Variants in NXPH2 observed in about 807,000 individuals in gnomAD.
NXPH2 encodes neurexophilin 2, also known as neurexophilin-2.
NXPH2 carries 5 observed loss-of-function variants against 19.8 expected under a neutral mutation model. The ratio of observed to expected loss-of-function variants is 0.25; its 90% CI spans 0.13 to 0.53. NXPH2 has a LOEUF of 0.53. NXPH2 is among the 20% of genes least tolerant of loss of function. The probability of loss-of-function intolerance (pLI) is 0.96; values close to 1 mark genes in which losing one functional copy is unlikely to be tolerated. For missense variants in NXPH2, 289 were observed against 322.8 expected, an observed-to-expected ratio of 0.90 and a Z score of 0.80; for synonymous variants, 154 against 127.4, an observed-to-expected ratio of 1.21 and a Z score of -1.41.
chr2:138,717,404 C>G (rs929820498), intron 1 of NXPH2, among the ~76,000 whole-genome samples: 1 of 151,412 alleles, frequency 6.6e-6, no homozygotes, highest in Non-Finnish European at 1.5e-5. Flanking sequence ...AAACATCTCA[C>G]AGTTCTGGAA....
At chr2:138,693,604 ATG>A (rs1680775668) in intron 1 of NXPH2, among the ~76,000 whole-genome samples, 1 of 151,694 alleles carries the variant, frequency 6.6e-6, no homozygotes, top group Admixed American at 6.6e-5. Flanking sequence ...TTCATCAAAG[ATG>A]TGACTCTCTA....
In NXPH2 at chr2:138,671,316, A is replaced by C; in HGVS notation, c.401T>G (p.Ile134Ser). Residue 134 changes from isoleucine (I) to serine (S), a missense_variant, in exon 2 of 2, where the codon ATT becomes AGT. Transcript: ENST00000272641. ...VKLNLLITGK[I>S]VDHGNGTFSV... The stretch of plus-strand genomic sequence containing the variant: ...GAAGGTTCCATTTCCATGGTCAACA[A>C]TTTTCCCTGTGATGAGGAGATTGAG... 6.2e-7 allele frequency: 1 copy of C among 1,613,850 alleles called. No individual in the cohort carries two copies. The highest frequency in any genetic ancestry group is 8.5e-7 in the Non-Finnish European group (1 of 1,179,798).
intron 1 of NXPH2, among the ~76,000 whole-genome samples, chr2:138,694,405 G>T (rs1573956877): frequency 2.0e-5 from 3 of 152,148 alleles, no homozygotes; most frequent in African/African-American, 7.2e-5. Flanking sequence ...TTTGACAGGT[G>T]TCTTTATAAG....
At position 138,671,446 on chromosome 2, in the gene NXPH2, G is replaced by T; in HGVS notation, c.271C>A (p.Gln91Lys). The T allele has an allele frequency of 6.2e-7, 1 of 1,613,918 alleles. No individual in the cohort carries two copies. The highest frequency in any genetic ancestry group is 1.6e-4 in the Middle Eastern group (1 of 6,062). Residue 91 changes from glutamine to lysine, a missense_variant, in exon 2 of 2, where the codon CAG becomes AAG. Transcript: ENST00000272641. ...CGTTTAGTTCTTGCCAATGGCTCCT[G>T]AATCTCCGTGATGTTGGCCAGCCAA... ...WDWLANITEI[Q>K]EPLARTKRRP...
intron 1 of NXPH2, among the ~76,000 whole-genome samples, chr2:138,704,757 A>G (rs1487505270): frequency 1.3e-5 from 2 of 152,086 alleles, no homozygotes; most frequent in Non-Finnish European, 2.9e-5. Flanking sequence ...CCTCGGCTCA[A>G]GTGATCCTCT....
chr2:138,770,101 A>G (rs1167242252), intron 1 of NXPH2, among the ~76,000 whole-genome samples: 1 of 152,172 alleles, frequency 6.6e-6, no homozygotes, highest in Non-Finnish European at 1.5e-5. Flanking sequence ...AGGAAATAAA[A>G]AGTTTATAAA....
intron 1 of NXPH2, among the ~76,000 whole-genome samples, chr2:138,743,726 G>C (rs904109497): frequency 2.0e-5 from 3 of 152,160 alleles, no homozygotes; most frequent in Non-Finnish European, 4.4e-5. Context: ...GAAGTAGCCA[G>C]GCGTGGTGGC....
chr2:138,690,821 G>T (rs1401295988), intron 1 of NXPH2, among the ~76,000 whole-genome samples: 1 of 152,238 alleles, frequency 6.6e-6, no homozygotes, highest in Non-Finnish European at 1.5e-5. Context: ...GAGACCAACA[G>T]AAACCTTGTA....
intron 1 of NXPH2, among the ~76,000 whole-genome samples, chr2:138,696,365 A>G (rs1003905818): frequency 1.3e-5 from 2 of 152,238 alleles, no homozygotes; most frequent in African/African-American, 4.8e-5. Flanking sequence ...TATCTAAAAT[A>G]TAATAAAGAA....
intron 1 of NXPH2, among the ~76,000 whole-genome samples, chr2:138,754,390 T>C (rs1415465640): frequency 6.6e-6 from 1 of 152,186 alleles, no homozygotes; most frequent in African/African-American, 2.4e-5. Context: ...TTTTACCATC[T>C]CTATAGCTTT....
chr2:138,730,398 T>G (rs1681429367), intron 1 of NXPH2, among the ~76,000 whole-genome samples: 1 of 152,008 alleles, frequency 6.6e-6, no homozygotes, highest in Non-Finnish European at 1.5e-5. Flanking sequence ...CCAAATATAG[T>G]CACATTTTGA....
chr2:138,702,919 G>A (rs1320147389), intron 1 of NXPH2, among the ~76,000 whole-genome samples: 3 of 152,158 alleles, frequency 2.0e-5, no homozygotes, highest in Admixed American at 6.5e-5. Flanking sequence ...GTAGAAGGAG[G>A]TAAAGCAAAT....
At chr2:138,679,378 C>CG (rs903276227) in intron 1 of NXPH2, among the ~76,000 whole-genome samples, 2 of 150,220 alleles carry the variant, frequency 1.3e-5, no homozygotes, top group African/African-American at 4.9e-5. Flanking sequence ...TACGTGGCAG[C>CG]GGGGGAGTAG....
intron 1 of NXPH2, 118 bp downstream of exon 1, chr2:138,780,073 C>A (rs1385464648): frequency 7.9e-6 from 8 of 1,007,418 alleles, no homozygotes; most frequent in Non-Finnish European, 6.8e-6. Context: ...GCCCTCCGCG[C>A]GCCCCCAACC....
At chr2:138,679,453 T>G (rs1680537723) in intron 1 of NXPH2, among the ~76,000 whole-genome samples, 2 of 148,002 alleles carry the variant, frequency 1.4e-5, no homozygotes, top group Admixed American at 1.4e-4. Context: ...CAGGCTGGAG[T>G]GCAGTGGCGC....
At chr2:138,683,309 C>T (rs907838984) in intron 1 of NXPH2, among the ~76,000 whole-genome samples, 1 of 152,236 alleles carries the variant, frequency 6.6e-6, no homozygotes, top group East Asian at 1.9e-4. Context: ...ATATATACTT[C>T]TGAAATATAA....
chr2:138,681,862 G>C (rs1680584428), intron 1 of NXPH2, among the ~76,000 whole-genome samples: 1 of 152,128 alleles, frequency 6.6e-6, no homozygotes, highest in African/African-American at 2.4e-5. Context: ...ACTTGTTCAT[G>C]GTGTTGTTAA....
intron 1 of NXPH2, among the ~76,000 whole-genome samples, chr2:138,689,969 G>T (rs1680723863): frequency 6.6e-6 from 1 of 152,162 alleles, no homozygotes; most frequent in Admixed American, 6.5e-5. Context: ...GGCAGAGGGA[G>T]GAAGTGGTCA....
At chr2:138,673,537 A>G (rs1680441539) in intron 1 of NXPH2, among the ~76,000 whole-genome samples, 1 of 152,144 alleles carries the variant, frequency 6.6e-6, no homozygotes, top group African/African-American at 2.4e-5. Context: ...CCTCCCTTCA[A>G]ACTACTTTAA....
Sources: gnomAD v4.1 joint callset for allele counts (sites outside exome capture counted in the v4.1 genomes callset) on GRCh38, gnomAD v4.1.1 for gene constraint, MANE v1.5 for transcripts, NCBI Gene and HGNC (gene_info 2026-07-23, HGNC 2026-07-21) for gene names.